CCDC14: variants seen among roughly 807,000 people sequenced by gnomAD.
CCDC14 encodes the protein coiled-coil domain-containing protein 14.
In CCDC14, 71 loss-of-function variants were observed where a neutral mutation model predicts 81.4. The observed-to-expected ratio is 0.87, with a 90% confidence interval of 0.72 to 1.06. The LOEUF (loss-of-function observed/expected upper bound fraction) is 1.06, where lower values mean the gene tolerates loss of function less well. Among genes scored for constraint, CCDC14 ranks in the 50% least tolerant of loss-of-function variants. The pLI, the probability that CCDC14 is intolerant of heterozygous loss-of-function variation, is 0.00. For synonymous variants in CCDC14, 332 were observed against 364.8 expected (o/e 0.91, Z 1.03); for missense variants, 1,046 against 1,047.3 (o/e 1.00, Z 0.02).
chr3:123,916,769 C>CG (rs2034724427), intron 12 of CCDC14, among the ~76,000 whole-genome samples: 1 of 152,078 alleles, frequency 6.6e-6, no homozygotes, highest in Non-Finnish European at 1.5e-5. Context: ...GTATTTAGCA[C>CG]GGTTTCAGTC....
chr3:123,894,638 T>C (rs2034034009), downstream of CCDC14, among the ~76,000 whole-genome samples: 1 of 152,236 alleles, frequency 6.6e-6, no homozygotes, highest in Non-Finnish European at 1.5e-5. Context: ...TAGCAATAAG[T>C]TTTCACTGTA....
chr3:123,912,319 T>G (rs1216739758), downstream of CCDC14, among the ~76,000 whole-genome samples: 1 of 152,178 alleles, frequency 6.6e-6, no homozygotes, highest in African/African-American at 2.4e-5. Flanking sequence ...GAGACTACGA[T>G]GAGGCAGTAA....
At chr3:123,887,466 T>TATA in the CCDC14 span, among the ~76,000 whole-genome samples, 4 of 93,606 alleles carry the variant, frequency 4.3e-5, no homozygotes, top group African/African-American at 2.3e-4. Context: ...GCTGGGTTGC[T>TATA]ATAACAACAA....
At chr3:123,961,117 C>A in intron 1 of CCDC14, 27 bp downstream of exon 1, 1 of 1,536,072 alleles carries the variant, frequency 6.5e-7, no homozygotes, top group Non-Finnish European at 8.8e-7. Context: ...ATCCCCACAG[C>A]GGACTCCTCA....
chr3:123,888,553 T>G, the CCDC14 span, among the ~76,000 whole-genome samples: 1 of 152,166 alleles, frequency 6.6e-6, no homozygotes, highest in Non-Finnish European at 1.5e-5. Flanking sequence ...ACTGGGTAAT[T>G]TATGAAGAAA....
intron 5 of CCDC14, among the ~76,000 whole-genome samples, chr3:123,951,170 CTATTT>C (rs574154662): frequency 8.7e-4 from 132 of 152,124 alleles, no homozygotes; most frequent in African/African-American, 3.1e-3. Context: ...TTAATAATGC[CTATTT>C]TATAAGATTA....
intron 9 of CCDC14, among the ~76,000 whole-genome samples, chr3:123,940,349 T>C (rs550757154): frequency 2.1e-4 from 32 of 152,136 alleles, no homozygotes; most frequent in Admixed American, 5.9e-4. Flanking sequence ...TTTGAGCACT[T>C]TGTCTCAATC....
At chr3:123,933,088 C>T (rs976095120) in intron 10 of CCDC14, among the ~76,000 whole-genome samples, 13 of 141,802 alleles carry the variant, frequency 9.2e-5, no homozygotes, top group East Asian at 2.1e-4. Context: ...CACAGAGTGA[C>T]GCCGTCTCAA....
chr3:123,927,826 T>C (rs902208557), intron 12 of CCDC14, among the ~76,000 whole-genome samples: 6 of 152,212 alleles, frequency 3.9e-5, no homozygotes, highest in Non-Finnish European at 7.4e-5. Context: ...GTTACATTTT[T>C]TCATTCTGAA....
chr3:123,915,252 G>C lies in CCDC14; in HGVS notation c.2245C>G (p.Leu749Val). 6.2e-7 allele frequency: 1 copy of C among 1,613,916 alleles called. No individual in the cohort carries two copies. Among genetic ancestry groups the C allele is most frequent in the South Asian group, 1.1e-5 (1 of 91,088 alleles). ...PEKKSPLSKRLSPQPQIRAAT... is the reference protein window; with the variant it reads ...PEKKSPLSKRVSPQPQIRAAT... ...GCTCTTATTTGTGGCTGAGGGGATA[G>C]TCTCTTAGAAAGTGGTGATTTCTTT... The change falls in exon 13 of 13, where the codon CTA becomes GTA. Residue 749 changes from leucine (L) to valine (V), a missense_variant. By Grantham distance (32) the Leu-to-Val change is conservative. Transcript: ENST00000409697.
chr3:123,905,105 A>G (rs957261768), intron 5 of CCDC14, among the ~76,000 whole-genome samples: 1 of 152,214 alleles, frequency 6.6e-6, no homozygotes, highest in African/African-American at 2.4e-5. Flanking sequence ...CAAGATGGCA[A>G]ATGAACCTGG....
chr3:123,910,858 A>G (rs1422848977), downstream of CCDC14, among the ~76,000 whole-genome samples: 4 of 152,214 alleles, frequency 2.6e-5, no homozygotes. Context: ...TACAAACTAT[A>G]TGATAGTCAC....
chr3:123,914,109 T>C lies in CCDC14; in HGVS notation c.*670A>G, dbSNP rs909772151. On this transcript the variant is annotated 3_prime_UTR_variant, in exon 13 of 13. Transcript: ENST00000409697. Reference sequence around the variant, plus strand: ...CCAACTATAGCTTATCTGTTAGCACTTCTTTATCAGTCTGACTATTCTTTA... The same window carrying C: ...CCAACTATAGCTTATCTGTTAGCACCTCTTTATCAGTCTGACTATTCTTTA... The C allele has an allele frequency of 1.1e-5, 11 of 985,742 alleles. No individual in the cohort carries two copies. The highest frequency in any genetic ancestry group is 1.2e-5 in the Non-Finnish European group (10 of 829,832). 61.1% of individuals were successfully genotyped at this position (985,742 alleles called of 1,614,324 possible). A position where few individuals can be genotyped will look rare whatever the true frequency, so the allele number is the denominator to read the frequency against.
At chr3:123,918,361 G>A (rs953340487) in intron 12 of CCDC14, among the ~76,000 whole-genome samples, 1 of 152,048 alleles carries the variant, frequency 6.6e-6, no homozygotes, top group Non-Finnish European at 1.5e-5. Context: ...TAGGTTATGA[G>A]GAGAGTGACA....
In CCDC14 at chr3:123,915,202, G is replaced by C. The variant is rs752517902; in HGVS notation, c.2295C>G (p.Asn765Lys). ...IRAATTQLVSNSGLAVSGKEN... is the reference protein window; with the variant it reads ...IRAATTQLVSKSGLAVSGKEN... Reference sequence around the variant, plus strand: ...CTTTTCCAGAGACAGCAAGTCCGCTGTTGCTGACTAGCTGTGTTGTAGCTG... The same window carrying C: ...CTTTTCCAGAGACAGCAAGTCCGCTCTTGCTGACTAGCTGTGTTGTAGCTG... Residue 765 changes from asparagine to lysine, a missense_variant, in exon 13 of 13, where the codon AAC becomes AAG. Physicochemically the swap from Asn to Lys is moderately conservative, Grantham distance 94. Transcript: ENST00000409697. The C allele has an allele frequency of 1.5e-5, 24 of 1,613,646 alleles. No homozygotes were observed. Among genetic ancestry groups the C allele is most frequent in the Non-Finnish European group, 1.5e-5 (18 of 1,179,764 alleles).
chr3:123,914,562 A>G lies in CCDC14; in HGVS notation c.*217T>C. On this transcript the variant is annotated 3_prime_UTR_variant, in exon 13 of 13. Coordinates refer to ENST00000409697, the MANE Select transcript of CCDC14 (RefSeq NM_001366335.1). ...CATTACTTACAATAATTTCCTAGTT[A>G]TCCACAACTTTCTTCTTGTAGCAAT... The G allele has an allele frequency of 8.1e-7, 1 of 1,229,410 alleles. No homozygotes were observed. Among genetic ancestry groups the G allele is most frequent in the Non-Finnish European group, 1.0e-6 (1 of 984,454 alleles). The allele number at this position is 1,229,410 out of a possible 1,614,324, so 76.2% of individuals were successfully genotyped here. A position where few individuals can be genotyped will look rare whatever the true frequency, so the allele number is the denominator to read the frequency against.
At chr3:123,955,554 C>G (rs559408743) in intron 5 of CCDC14, 105 of 189,412 alleles carry the variant, frequency 5.5e-4, no homozygotes, top group African/African-American at 1.9e-3. Flanking sequence ...AAACAAGTGG[C>G]AGGGGAAACT....
chr3:123,948,096 G>A (rs745979598), intron 7 of CCDC14, among the ~76,000 whole-genome samples: 5 of 152,034 alleles, frequency 3.3e-5, no homozygotes, highest in Non-Finnish European at 7.4e-5. Flanking sequence ...AGGATTAAAC[G>A]ATTGGAAAGA....
chr3:123,886,209 G>A, the CCDC14 span, among the ~76,000 whole-genome samples: 1 of 150,342 alleles, frequency 6.7e-6, no homozygotes, highest in Non-Finnish European at 1.5e-5. Context: ...AGAAGTCTTT[G>A]ATAGCTTCCT....
Sources: allele counts gnomAD v4.1 joint callset (sites outside exome capture counted in the v4.1 genomes callset), GRCh38; gene constraint gnomAD v4.1.1; transcripts MANE v1.5; gene names NCBI Gene and HGNC (gene_info 2026-07-23, HGNC 2026-07-21).